The following LYRM4 variants were observed in gnomAD, a reference collection of about 807,000 sequenced individuals.
LYRM4 encodes the protein LYR motif-containing protein 4.
A neutral mutation model predicts 11.7 loss-of-function variants in LYRM4; 9 were observed. The observed-to-expected ratio is 0.77, with a 90% confidence interval of 0.46 to 1.34. LYRM4 has a LOEUF of 1.34. Ranked by LOEUF, LYRM4 falls within the 40% of genes most tolerant of loss-of-function variation. LYRM4 has a pLI of 0.00. For synonymous variants in LYRM4, 42 were observed against 40.4 expected, an observed-to-expected ratio of 1.04 and a Z score of -0.15; for missense variants, 133 against 112.5, an observed-to-expected ratio of 1.18 and a Z score of -0.82.
At chr6:5,132,133 T>A (rs1023858276) in intron 2 of LYRM4, among the ~76,000 whole-genome samples, 2 of 152,210 alleles carry the variant, frequency 1.3e-5, no homozygotes, top group African/African-American at 4.8e-5. Flanking sequence ...CCTCCCTGCC[T>A]CTCAGGGATT....
At chr6:5,042,460 C>A in the LYRM4 span, 13 of 152,728 alleles carry the variant, frequency 8.5e-5, no homozygotes, top group East Asian at 2.5e-3. Context: ...AACCTTTCAG[C>A]ACAGTTTGCC....
At chr6:5,109,772 C>T (rs966449629) in intron 2 of LYRM4, among the ~76,000 whole-genome samples, 9 of 152,202 alleles carry the variant, frequency 5.9e-5, no homozygotes, top group Admixed American at 1.3e-4. Context: ...AGCTGGGTGA[C>T]GCCTGCCTGC....
chr6:5,067,105 G>A, the LYRM4 span: 45 of 264,372 alleles, frequency 1.7e-4, no homozygotes, highest in East Asian at 3.1e-3. Context: ...AAATTAAAGT[G>A]ATACAGACAA....
At chr6:5,221,457 G>GC (rs1762576750) in intron 1 of LYRM4, among the ~76,000 whole-genome samples, 1 of 152,202 alleles carries the variant, frequency 6.6e-6, no homozygotes, top group Non-Finnish European at 1.5e-5. Flanking sequence ...CACTCTGGGA[G>GC]GCCAAGGCGG....
chr6:5,081,710 C>T, the LYRM4 span, among the ~76,000 whole-genome samples: 1 of 152,210 alleles, frequency 6.6e-6, no homozygotes, highest in Non-Finnish European at 1.5e-5. Flanking sequence ...TTTGTTATTA[C>T]TTACATTGTT....
chr6:5,232,283 A>C (rs1329786291), intron 1 of LYRM4, among the ~76,000 whole-genome samples: 1 of 152,202 alleles, frequency 6.6e-6, no homozygotes, highest in Admixed American at 6.5e-5. Context: ...TATAACTTGC[A>C]ATCACTCTGC....
At chr6:5,153,115 TGA>T (rs996125039) in intron 2 of LYRM4, among the ~76,000 whole-genome samples, 6 of 152,184 alleles carry the variant, frequency 3.9e-5, no homozygotes. Context: ...TTTTTTTGTG[TGA>T]GAGAGGGTCT....
intron 2 of LYRM4, among the ~76,000 whole-genome samples, chr6:5,139,776 T>A (rs558340124): frequency 1.0e-3 from 159 of 152,188 alleles, no homozygotes; most frequent in African/African-American, 3.5e-3. Flanking sequence ...ACTTTCCTTT[T>A]TTTGCCTATA....
the LYRM4 span, chr6:5,032,765 A>G: frequency 0.027 from 4,069 of 152,282 alleles, 71 homozygotes; most frequent in Middle Eastern, 0.044. Context: ...AGACTGAAAG[A>G]GGATTAGACT....
At chr6:5,152,813 G>A (rs1415080729) in intron 2 of LYRM4, among the ~76,000 whole-genome samples, 2 of 152,228 alleles carry the variant, frequency 1.3e-5, no homozygotes, top group Non-Finnish European at 2.9e-5. Context: ...TAGGTCACGG[G>A]GCAAATGGAA....
At chr6:5,107,965 C>T (rs775824629), downstream of LYRM4, 5 of 152,072 alleles carry the variant, frequency 3.3e-5, no homozygotes, top group Middle Eastern at 3.2e-3. Flanking sequence ...AAGATCGCAC[C>T]GCTGCACTCC....
intron 2 of LYRM4, among the ~76,000 whole-genome samples, chr6:5,153,152 C>A (rs1454443783): frequency 6.6e-6 from 1 of 152,132 alleles, no homozygotes; most frequent in African/African-American, 2.4e-5. Flanking sequence ...GGCTGGAGTG[C>A]AGTCGTGTGA....
intron 2 of LYRM4, among the ~76,000 whole-genome samples, chr6:5,175,868 C>G (rs780824900): frequency 6.6e-6 from 1 of 152,158 alleles, no homozygotes; most frequent in Admixed American, 6.5e-5. Context: ...CCCGGCCACA[C>G]AGACATTCTG....
At chr6:5,113,134 C>G in intron 2 of LYRM4, 1 of 235,388 alleles carries the variant, frequency 4.2e-6, no homozygotes, top group Non-Finnish European at 8.7e-6. Flanking sequence ...AGTTAAGGGG[C>G]CAGTAAGAGT....
chr6:5,178,399 G>C (rs899887739), intron 2 of LYRM4, among the ~76,000 whole-genome samples: 1 of 150,876 alleles, frequency 6.6e-6, no homozygotes, highest in Non-Finnish European at 1.5e-5. Flanking sequence ...CCTGGATGTA[G>C]GAATTCTCAC....
intron 2 of LYRM4, among the ~76,000 whole-genome samples, chr6:5,124,216 G>T (rs1022420297): frequency 9.9e-5 from 15 of 152,124 alleles, no homozygotes; most frequent in Non-Finnish European, 2.2e-4. Flanking sequence ...AGAGGGAAAA[G>T]AACCCACTTG....
rs943671279 is a variant in LYRM4, at chr6:5,133,246, G to A, written c.208-23755C>T. 4.6e-5 allele frequency among the ~76,000 whole-genome samples: 7 copies of A among 152,238 alleles called. 1 individual carries two copies. The highest frequency in any genetic ancestry group is 6.8e-3 in the Middle Eastern group (2 of 294). ...AAAAGCAAAATCAAGATGATCGATC[G>A]TTTTCTTCTTAGGTTTTCCTAAATT... On this transcript the variant is annotated intron_variant, in intron 2 of 2. Coordinates refer to ENST00000330636, the MANE Select transcript of LYRM4 (RefSeq NM_020408.6).
At chr6:5,040,915 G>A in the LYRM4 span, among the ~76,000 whole-genome samples, 1 of 152,010 alleles carries the variant, frequency 6.6e-6, no homozygotes, top group East Asian at 1.9e-4. Context: ...GTGGATTACC[G>A]CAACTCTAAT....
the LYRM4 span, chr6:5,086,152 G>A: frequency 6.6e-7 from 1 of 1,520,406 alleles, no homozygotes; most frequent in Non-Finnish European, 8.8e-7. Context: ...CCTGGAGCGC[G>A]TGCAGTGCTC....
Sources: gnomAD v4.1 joint callset for allele counts (sites outside exome capture counted in the v4.1 genomes callset) on GRCh38, gnomAD v4.1.1 for gene constraint, MANE v1.5 for transcripts, NCBI Gene and HGNC (gene_info 2026-07-23, HGNC 2026-07-21) for gene names.